CADM2: variants seen among roughly 807,000 people sequenced by gnomAD.
CADM2 encodes cell adhesion molecule 2.
A neutral mutation model predicts 49.8 loss-of-function variants in CADM2; 12 were observed. That is an observed-to-expected ratio of 0.24 (90% CI 0.15 to 0.39). The LOEUF is 0.39. Ranked by LOEUF, CADM2 falls within the 10% of genes least tolerant of loss-of-function variation. CADM2 has a pLI of 1.00. For missense variants in CADM2, 378 were observed against 492.3 expected (o/e 0.77, Z 2.20); for synonymous variants, 214 against 175.4 (o/e 1.22, Z -1.74).
intron 1 of CADM2, among the ~76,000 whole-genome samples, chr3:85,235,027 C>G (rs1441840909): frequency 1.3e-5 from 2 of 152,012 alleles, no homozygotes; most frequent in East Asian, 3.9e-4. Flanking sequence ...TGACCTCTCT[C>G]TCTCTCTTTC....
intron 1 of CADM2, among the ~76,000 whole-genome samples, chr3:85,606,159 T>C (rs2063531812): frequency 6.6e-6 from 1 of 152,146 alleles, no homozygotes; most frequent in Admixed American, 6.6e-5. Flanking sequence ...TTTTTATTAT[T>C]ATTAATCCCT....
At chr3:85,703,507 T>C (rs2107715317) in intron 1 of CADM2, among the ~76,000 whole-genome samples, 1 of 152,288 alleles carries the variant, frequency 6.6e-6, no homozygotes, top group Admixed American at 6.5e-5. Context: ...TTCTGTTTTC[T>C]AATGGAGTGA....
intron 1 of CADM2, among the ~76,000 whole-genome samples, chr3:85,667,653 GACTACTCAGGGAGTATTCTGATTTT>G (rs2065609164): frequency 6.6e-6 from 1 of 152,002 alleles, no homozygotes; most frequent in African/African-American, 2.4e-5. Context: ...GTAGCAAAGG[GACTACTCAGGGAGTATTCTGATTTT>G]AGGAACTACT....
intron 1 of CADM2, among the ~76,000 whole-genome samples, chr3:84,969,212 T>A (rs901019652): frequency 1.3e-5 from 2 of 152,018 alleles, no homozygotes; most frequent in Non-Finnish European, 2.9e-5. Flanking sequence ...GCAACTTGTG[T>A]CTTTTATTCT....
At chr3:85,167,084 A>G (rs935843086) in intron 1 of CADM2, among the ~76,000 whole-genome samples, 1 of 152,066 alleles carries the variant, frequency 6.6e-6, no homozygotes, top group Non-Finnish European at 1.5e-5. Context: ...GCCTTTGTCA[A>G]TATATTTGGG....
intron 1 of CADM2, among the ~76,000 whole-genome samples, chr3:85,204,153 G>A (rs561287077): frequency 6.6e-6 from 1 of 152,110 alleles, no homozygotes; most frequent in East Asian, 1.9e-4. Flanking sequence ...TTTTTTCATT[G>A]TTTTTAAAAA....
At chr3:85,733,124 C>G (rs763094527) in intron 2 of CADM2, among the ~76,000 whole-genome samples, 1 of 152,160 alleles carries the variant, frequency 6.6e-6, no homozygotes, top group African/African-American at 2.4e-5. Flanking sequence ...TAAAACTCTC[C>G]TTCTTCTAGG....
chr3:85,487,382 C>T (rs978334576), intron 1 of CADM2, among the ~76,000 whole-genome samples: 2 of 151,968 alleles, frequency 1.3e-5, no homozygotes, highest in Non-Finnish European at 2.9e-5. Context: ...ATAAATAAAC[C>T]GGACATGGTG....
intron 1 of CADM2, among the ~76,000 whole-genome samples, chr3:85,590,592 C>T (rs892465904): frequency 7.9e-5 from 12 of 151,480 alleles, no homozygotes; most frequent in Non-Finnish European, 1.2e-4. Context: ...TCCATTTAAG[C>T]GAGAATGAAT....
At chr3:85,822,641 C>T (rs2073658361) in intron 3 of CADM2, among the ~76,000 whole-genome samples, 1 of 151,778 alleles carries the variant, frequency 6.6e-6, no homozygotes. Context: ...CAAATTTTAC[C>T]ACATTTTCAA....
chr3:85,517,097 T>G (rs955182808), intron 1 of CADM2, among the ~76,000 whole-genome samples: 1 of 151,938 alleles, frequency 6.6e-6, no homozygotes, highest in Non-Finnish European at 1.5e-5. Context: ...AATAATCTTA[T>G]AATCTATAGA....
chr3:85,902,226 T>G (rs570361413), intron 5 of CADM2, among the ~76,000 whole-genome samples: 1 of 152,086 alleles, frequency 6.6e-6, no homozygotes, highest in Non-Finnish European at 1.5e-5. Context: ...TACATACTTA[T>G]AATTGTTATA....
intron 2 of CADM2, among the ~76,000 whole-genome samples, chr3:85,768,484 A>G (rs141687717): frequency 0.048 from 5,086 of 106,260 alleles, 280 homozygotes; most frequent in African/African-American, 0.19. Flanking sequence ...AAATAAATAA[A>G]TAAATTTAAA....
chr3:85,235,234 A>G (rs1440819562), intron 1 of CADM2, among the ~76,000 whole-genome samples: 1 of 152,114 alleles, frequency 6.6e-6, no homozygotes, highest in African/African-American at 2.4e-5. Flanking sequence ...ATAACACTGA[A>G]TATCTCTTGA....
At chr3:85,291,962 C>T (rs1191761690) in intron 1 of CADM2, among the ~76,000 whole-genome samples, 1 of 151,994 alleles carries the variant, frequency 6.6e-6, no homozygotes, top group African/African-American at 2.4e-5. Flanking sequence ...TGTAAATGGA[C>T]TAAATTCTCC....
intron 1 of CADM2, among the ~76,000 whole-genome samples, chr3:85,109,452 G>C (rs1451221239): frequency 6.6e-6 from 1 of 151,816 alleles, no homozygotes; most frequent in Non-Finnish European, 1.5e-5. Flanking sequence ...AGAAAAGTAG[G>C]GGGGGAAATA....
At chr3:85,536,495 G>T (rs1234998312) in intron 1 of CADM2, among the ~76,000 whole-genome samples, 1 of 151,258 alleles carries the variant, frequency 6.6e-6, no homozygotes, top group Non-Finnish European at 1.5e-5. Context: ...AATAAAAAAT[G>T]ACATTTATTA....
intron 1 of CADM2, among the ~76,000 whole-genome samples, chr3:85,326,901 A>G (rs937903888): frequency 1.3e-5 from 2 of 152,204 alleles, no homozygotes; most frequent in African/African-American, 4.8e-5. Context: ...AAGTAAAAGT[A>G]TAGAATAATT....
chr3:85,129,172 C>T (rs2039143947), intron 1 of CADM2, among the ~76,000 whole-genome samples: 1 of 152,124 alleles, frequency 6.6e-6, no homozygotes, highest in African/African-American at 2.4e-5. Flanking sequence ...GTTAAAGTAG[C>T]TCAACAGTGC....
Sources: gnomAD v4.1 joint callset for allele counts (sites outside exome capture counted in the v4.1 genomes callset) on GRCh38, gnomAD v4.1.1 for gene constraint, MANE v1.5 for transcripts, NCBI Gene and HGNC (gene_info 2026-07-23, HGNC 2026-07-21) for gene names.